The following HSP90AA1 variants were observed in gnomAD, a reference collection of about 807,000 sequenced individuals.
HSP90AA1 encodes heat shock protein HSP 90-alpha.
A neutral mutation model predicts 73.3 loss-of-function variants in HSP90AA1; 18 were observed. The ratio of observed to expected loss-of-function variants is 0.25; its 90% CI spans 0.17 to 0.36. The LOEUF (loss-of-function observed/expected upper bound fraction) is 0.36. Ranked by LOEUF, HSP90AA1 falls within the 10% of genes least tolerant of loss-of-function variation. HSP90AA1 has a pLI of 1.00. For synonymous variants in HSP90AA1, 477 were observed against 296.9 expected (o/e 1.61, Z -6.24); for missense variants, 704 against 874.2 (o/e 0.81, Z 2.45).
intron 1 of HSP90AA1, among the ~76,000 whole-genome samples, chr14:102,108,971 T>C (rs1051492165): frequency 3.3e-5 from 5 of 152,154 alleles, no homozygotes; most frequent in Admixed American, 2.6e-4. Flanking sequence ...TTAATTTTTA[T>C]TGGACAGCTG....
chr14:102,083,934 G>C lies in HSP90AA1; in HGVS notation c.1197C>G (p.Ser399=). ...TTTTGCTTTGTTGCAACATCTCACG[G>C]GATATGTTTAGAGGGAGATCCTCCG... The part of the protein sequence containing the change: ...VDSEDLPLNI[S]REMLQQSKIL... Residue 399 remains serine (S), a synonymous_variant, in exon 7 of 11, where the codon TCC becomes TCG. Transcript: ENST00000216281. 3 of 1,613,808 alleles carry C rather than the reference G, an allele frequency of 1.9e-6. No homozygotes were observed. Among genetic ancestry groups the C allele is most frequent in the South Asian group, 1.1e-5 (1 of 91,076 alleles).
At chr14:102,094,946 G>T (rs899837329) in intron 2 of HSP90AA1, among the ~76,000 whole-genome samples, 6 of 152,162 alleles carry the variant, frequency 3.9e-5, no homozygotes, top group Non-Finnish European at 8.8e-5. Context: ...GGTCAGGGGA[G>T]CGAGTTAACA....
At chr14:102,121,371 T>C (rs2049776755) in intron 1 of HSP90AA1, among the ~76,000 whole-genome samples, 1 of 152,226 alleles carries the variant, frequency 6.6e-6, no homozygotes, top group Admixed American at 6.5e-5. Context: ...GAACAATGCT[T>C]TGGTGAAAAT....
intron 1 of HSP90AA1, among the ~76,000 whole-genome samples, chr14:102,105,676 C>T (rs1196217629): frequency 6.6e-6 from 1 of 152,160 alleles, no homozygotes; most frequent in East Asian, 1.9e-4. Context: ...GTTCTCTGTC[C>T]ACAGGGAAGG....
At chr14:102,134,661 G>T (rs1280293806) in intron 1 of HSP90AA1, among the ~76,000 whole-genome samples, 1 of 152,058 alleles carries the variant, frequency 6.6e-6, no homozygotes, top group African/African-American at 2.4e-5. Flanking sequence ...GGAGTTGTTC[G>T]TTCCTCCCGG....
upstream of HSP90AA1, among the ~76,000 whole-genome samples, chr14:102,090,209 GTTC>G (rs1323357306): frequency 6.6e-6 from 1 of 152,152 alleles, no homozygotes; most frequent in Non-Finnish European, 1.5e-5. Context: ...CATTCCCTCT[GTTC>G]TTCTCTAATT....
At chr14:102,102,974 T>C (rs2049514320) in intron 1 of HSP90AA1, among the ~76,000 whole-genome samples, 1 of 151,450 alleles carries the variant, frequency 6.6e-6, no homozygotes, top group South Asian at 2.1e-4. Context: ...AGGTCAGGAG[T>C]TTGAGACTAG....
At chr14:102,102,515 A>C (rs1006583490) in intron 1 of HSP90AA1, among the ~76,000 whole-genome samples, 1 of 152,228 alleles carries the variant, frequency 6.6e-6, no homozygotes, top group Non-Finnish European at 1.5e-5. Context: ...GTTAGTGGCT[A>C]AGGGGAAAAT....
intron 1 of HSP90AA1, among the ~76,000 whole-genome samples, chr14:102,107,562 A>G (rs1165921220): frequency 6.6e-6 from 1 of 152,008 alleles, no homozygotes; most frequent in Non-Finnish European, 1.5e-5. Flanking sequence ...TGACCTCATG[A>G]TCCACCTGCC....
At chr14:102,138,165 T>C (rs1402843173) in intron 1 of HSP90AA1, among the ~76,000 whole-genome samples, 3 of 152,186 alleles carry the variant, frequency 2.0e-5, no homozygotes, top group East Asian at 3.8e-4. Flanking sequence ...AATGTTATGG[T>C]TAATTGAAGA....
At position 102,086,092 on chromosome 14, in the gene HSP90AA1, T is replaced by C. The variant is rs2049224413; in HGVS notation, c.195A>G (p.Thr65=). The part of the protein sequence containing the change: ...ALDKIRYESL[T]DPSKLDSGKE... The stretch of plus-strand genomic sequence containing the variant: ...TCCCAGAGTCTAATTTACTGGGATC[T>C]GTCAAGCTTTCATACCGGATTTTGT... Residue 65 remains threonine (T), a synonymous_variant, in exon 3 of 11, where the codon ACA becomes ACG. Coordinates refer to ENST00000216281, the MANE Select transcript of HSP90AA1 (RefSeq NM_005348.4). The C allele has an allele frequency of 1.2e-6, 2 of 1,613,932 alleles. No individual in the cohort carries two copies. Among genetic ancestry groups the C allele is most frequent in the African/African-American group, 2.7e-5 (2 of 74,930 alleles).
chr14:102,117,944 T>C (rs1365016427), intron 1 of HSP90AA1, among the ~76,000 whole-genome samples: 1 of 152,180 alleles, frequency 6.6e-6, no homozygotes, highest in Non-Finnish European at 1.5e-5. Context: ...GGGAAGCTGC[T>C]TGCGATGTCC....
At chr14:102,123,051 C>A (rs1316553396) in intron 1 of HSP90AA1, among the ~76,000 whole-genome samples, 1 of 152,128 alleles carries the variant, frequency 6.6e-6, no homozygotes, top group African/African-American at 2.4e-5. Context: ...AAATAAAATT[C>A]TGTTGATTTT....
At chr14:102,096,529 G>A (rs560412246) in intron 2 of HSP90AA1, among the ~76,000 whole-genome samples, 4 of 152,282 alleles carry the variant, frequency 2.6e-5, no homozygotes, top group African/African-American at 9.6e-5. Flanking sequence ...AGGCAAATAC[G>A]TGTCTGCCAA....
intron 1 of HSP90AA1, among the ~76,000 whole-genome samples, chr14:102,138,835 T>C (rs747958533): frequency 1.3e-5 from 2 of 152,200 alleles, no homozygotes; most frequent in Non-Finnish European, 2.9e-5. Flanking sequence ...ATAGTGATTG[T>C]TGAATCTTAC....
intron 1 of HSP90AA1, among the ~76,000 whole-genome samples, chr14:102,135,598 A>G (rs1190590): frequency 0.83 from 125,645 of 152,264 alleles, 52,634 homozygotes; most frequent in East Asian, 0.97. Context: ...CCGCACAGGA[A>G]CCAATGGAGT....
At chr14:102,087,931 GTTTTTTT>G (rs71116877), upstream of HSP90AA1, among the ~76,000 whole-genome samples, 1 of 109,798 alleles carries the variant, frequency 9.1e-6, no homozygotes, top group Non-Finnish European at 1.7e-5. Flanking sequence ...GCCCTAAAAG[GTTTTTTT>G]TTTTTTTTTT....
rs549651452 is a variant in HSP90AA1, at chr14:102,136,028, G to A, written c.155+3222C>T. 4.5e-3 allele frequency among the ~76,000 whole-genome samples: 691 copies of A among 152,366 alleles called. 4 individuals are homozygous for A. Among genetic ancestry groups the A allele is most frequent in the South Asian group, 9.7e-3 (47 of 4,830 alleles). ...TGGGAGCCCAGGCAGGGGAGGCGCC[G>A]AGAGCAAGCCAGGGCTCTGAGGACT... On this transcript the variant is annotated intron_variant, in intron 1 of 11. Coordinates refer to the HSP90AA1 transcript ENST00000334701.
At chr14:102,126,325 G>T (rs1364609418) in intron 1 of HSP90AA1, among the ~76,000 whole-genome samples, 1 of 152,042 alleles carries the variant, frequency 6.6e-6, no homozygotes, top group East Asian at 1.9e-4. Context: ...GGAAACACCA[G>T]GAAAAGAGAA....
Sources: allele counts gnomAD v4.1 joint callset (sites outside exome capture counted in the v4.1 genomes callset), GRCh38; gene constraint gnomAD v4.1.1; transcripts MANE v1.5; gene names NCBI Gene and HGNC (gene_info 2026-07-23, HGNC 2026-07-21).